The following TAF2 variants were observed in gnomAD, a reference collection of about 807,000 sequenced individuals.
TAF2 encodes the protein TATA-box binding protein associated factor 2, also known as transcription initiation factor TFIID subunit 2.
In TAF2, 61 loss-of-function variants were observed where a neutral mutation model predicts 138.5. The ratio of observed to expected loss-of-function variants is 0.44; its 90% CI spans 0.36 to 0.54. TAF2 has a LOEUF of 0.54. TAF2 is among the 20% of genes least tolerant of loss of function. The probability of loss-of-function intolerance (pLI) is 0.00; values close to 1 mark genes in which losing one functional copy is unlikely to be tolerated. For missense variants in TAF2, 1,090 were observed against 1,427.9 expected, an observed-to-expected ratio of 0.76 and a Z score of 3.81; for synonymous variants, 475 against 469.9, an observed-to-expected ratio of 1.01 and a Z score of -0.14.
intron 5 of TAF2, among the ~76,000 whole-genome samples, 159 bp from the exon 6 acceptor site, chr8:119,802,184 GATAAA>G (rs1435752958): frequency 1.3e-5 from 2 of 152,076 alleles, no homozygotes; most frequent in African/African-American, 2.4e-5. Context: ...AAAAAAATCT[GATAAA>G]ATAAAATCTG....
chr8:119,826,051 A>T (rs531888383), intron 2 of TAF2, among the ~76,000 whole-genome samples: 1 of 152,012 alleles, frequency 6.6e-6, no homozygotes, highest in East Asian at 1.9e-4. Flanking sequence ...CATAAGTGGG[A>T]GTTGAATAAT....
intron 6 of TAF2, among the ~76,000 whole-genome samples, chr8:119,800,232 G>A (rs62526598): frequency 0.26 from 40,076 of 152,044 alleles, 5,972 homozygotes; most frequent in Middle Eastern, 0.4. Flanking sequence ...CCTATGTCCC[G>A]AATGGTATTG....
intron 13 of TAF2, 144 bp downstream of exon 13, chr8:119,788,646 T>G: frequency 2.5e-6 from 2 of 801,064 alleles, no homozygotes; most frequent in Non-Finnish European, 4.2e-6. Flanking sequence ...TCCTCTTCCC[T>G]TCTTTGACAA....
chr8:119,782,569 T>C (rs946255720), intron 16 of TAF2, among the ~76,000 whole-genome samples: 13 of 152,156 alleles, frequency 8.5e-5, no homozygotes, highest in Admixed American at 1.3e-4. Flanking sequence ...GATTTAACAG[T>C]GAGGAAGGCA....
rs140155482 is a variant in TAF2, at chr8:119,732,140, G to A, written c.3384C>T (p.Ser1128=). The A allele has an allele frequency of 2.2e-5, 36 of 1,613,932 alleles. No individual in the cohort carries two copies. Among genetic ancestry groups the A allele is most frequent in the African/African-American group, 4.0e-5 (3 of 74,900 alleles). ...CCTTAGTAAAGACTGAGAGTGGAGC[G>A]CTTGCCGCTGGATGCATACTCATCT... is the stretch of plus-strand genomic sequence containing the variant. The part of the protein sequence containing the change: ...PLEMSMHPAA[S]APLSVFTKES... Residue 1128 remains serine (S), a synonymous_variant, in exon 26 of 26, where the codon AGC becomes AGT. Coordinates refer to ENST00000378164, the MANE Select transcript of TAF2 (RefSeq NM_003184.4).
At chr8:119,816,655 A>C (rs2131249366) in intron 3 of TAF2, among the ~76,000 whole-genome samples, 1 of 152,334 alleles carries the variant, frequency 6.6e-6, no homozygotes, top group South Asian at 2.1e-4. Context: ...CCTTTCCCAA[A>C]GTTCTCTTTA....
At chr8:119,765,806 C>T (rs1486355887) in intron 18 of TAF2, among the ~76,000 whole-genome samples, 3 of 152,238 alleles carry the variant, frequency 2.0e-5, no homozygotes, top group East Asian at 1.9e-4. Flanking sequence ...ACATAACTGT[C>T]GGGATTCCTC....
At chr8:119,777,990 TAGA>T (rs767908369) in intron 18 of TAF2, 26 bp downstream of exon 18, 2 of 1,184,916 alleles carry the variant, frequency 1.7e-6, no homozygotes, top group East Asian at 2.3e-5. Context: ...ACAACTGTTG[TAGA>T]AGATTTAAAA....
At chr8:119,792,077 CTATGG>C (rs1269153862) in intron 10 of TAF2, among the ~76,000 whole-genome samples, 1 of 151,458 alleles carries the variant, frequency 6.6e-6, no homozygotes, top group African/African-American at 2.4e-5. Flanking sequence ...CCAAATAATG[CTATGG>C]TGAGTATCTT....
intron 22 of TAF2, among the ~76,000 whole-genome samples, chr8:119,750,335 C>G (rs185777845): frequency 6.6e-6 from 1 of 151,976 alleles, no homozygotes; most frequent in African/African-American, 2.4e-5. Context: ...AGTGAGACTC[C>G]GTCTCAAAAA....
At chr8:119,762,852 A>G (rs1821160684) in intron 18 of TAF2, 1 of 349,540 alleles carries the variant, frequency 2.9e-6, no homozygotes, top group African/African-American at 2.1e-5. Flanking sequence ...GGAGGAAAGC[A>G]TAAAGAAACT....
chr8:119,750,625 A>G (rs1038181288), intron 22 of TAF2, among the ~76,000 whole-genome samples: 29 of 152,158 alleles, frequency 1.9e-4, no homozygotes, highest in African/African-American at 6.8e-4. Context: ...AGATGAATCA[A>G]TATGTTTTCA....
intron 13 of TAF2, 82 bp downstream of exon 13, chr8:119,788,707 TA>T: frequency 1.0e-6 from 1 of 997,630 alleles, no homozygotes; most frequent in Non-Finnish European, 1.6e-6. Context: ...CATTAATTTC[TA>T]AGTAGTAACC....
chr8:119,810,920 C>T (rs1825009469), intron 3 of TAF2, among the ~76,000 whole-genome samples: 1 of 152,102 alleles, frequency 6.6e-6, no homozygotes, highest in Non-Finnish European at 1.5e-5. Flanking sequence ...ATGAGTGAGT[C>T]ATTATAAATG....
At chr8:119,817,435 T>C (rs537820368) in intron 3 of TAF2, among the ~76,000 whole-genome samples, 1 of 152,328 alleles carries the variant, frequency 6.6e-6, no homozygotes, top group East Asian at 1.9e-4. Flanking sequence ...CCTGATGATC[T>C]GAGGTGGAAG....
intron 3 of TAF2, among the ~76,000 whole-genome samples, chr8:119,807,071 T>G (rs1188172923): frequency 6.6e-6 from 1 of 152,182 alleles, no homozygotes; most frequent in African/African-American, 2.4e-5. Context: ...GGCAAAAAAT[T>G]GAATGGATTC....
At position 119,801,816 on chromosome 8, in the gene TAF2, A is replaced by C; in HGVS notation, c.770T>G (p.Leu257Arg). The C allele has an allele frequency of 6.2e-7, 1 of 1,614,114 alleles. No individual in the cohort carries two copies. The highest frequency in any genetic ancestry group is 8.5e-7 in the Non-Finnish European group (1 of 1,179,960). Reference sequence around the variant, plus strand: ...TACCTCATGCATGTATGGATCTACCAGTATTTCAAATGGTCCAATGGCCAA... The same window carrying C: ...TACCTCATGCATGTATGGATCTACCCGTATTTCAAATGGTCCAATGGCCAA... ...ISLAIGPFEI[L>R]VDPYMHEVTH... Residue 257 changes from leucine to arginine, a missense_variant, in exon 6 of 26, where the codon CTG (leucine) becomes CGG (arginine). Leu to Arg is a moderately radical substitution (Grantham distance 102). This residue lies in a region of TAF2 where 504 missense variants were observed against 680.9 expected (regional missense o/e 0.74). Coordinates refer to ENST00000378164, the MANE Select transcript of TAF2 (RefSeq NM_003184.4).
At chr8:119,800,247 G>C (rs1824161152) in intron 6 of TAF2, among the ~76,000 whole-genome samples, 1 of 152,138 alleles carries the variant, frequency 6.6e-6, no homozygotes, top group Admixed American at 6.5e-5. Context: ...GTATTGCCTA[G>C]GTTTTCTTCT....
At position 119,812,143 on chromosome 8, in the gene TAF2, T is replaced by C. The variant is rs1391023643; in HGVS notation, c.300-5742A>G. 4.6e-5 allele frequency among the ~76,000 whole-genome samples: 7 copies of C among 152,290 alleles called. No homozygotes were observed. In the East Asian group the frequency reaches 1.4e-3, roughly 29 times the overall value. ...TTGACACAAAACTGTCTGTCAGGGATTCTCACTGGTTTAAAGAAATAACAT... is the reference window on the plus strand; with the variant it reads ...TTGACACAAAACTGTCTGTCAGGGACTCTCACTGGTTTAAAGAAATAACAT... On this transcript the variant is annotated intron_variant, in intron 3 of 25. Transcript: ENST00000378164.
Sources: gnomAD v4.1 joint callset for allele counts (sites outside exome capture counted in the v4.1 genomes callset) on GRCh38, gnomAD v4.1.1 for gene constraint, gnomAD v4.1.1 regional missense constraint, MANE v1.5 for transcripts, NCBI Gene and HGNC (gene_info 2026-07-23, HGNC 2026-07-21) for gene names.